Variants in FGF1 observed in about 807,000 individuals in gnomAD.
FGF1 encodes the protein fibroblast growth factor 1.
Under a neutral mutation model 13.4 loss-of-function variants are expected in FGF1, and 9 were observed. That is an observed-to-expected ratio of 0.67 (90% CI 0.40 to 1.17). The LOEUF (loss-of-function observed/expected upper bound fraction) is 1.17, where lower values mean the gene tolerates loss of function less well. FGF1 is among the 50% of genes most tolerant of loss of function. The probability of loss-of-function intolerance (pLI) is 0.01; values close to 1 mark genes in which losing one functional copy is unlikely to be tolerated. For synonymous variants in FGF1, 93 were observed against 79.0 expected, an observed-to-expected ratio of 1.18 and a Z score of -0.94; for missense variants, 156 against 192.7, an observed-to-expected ratio of 0.81 and a Z score of 1.13.
chr5:142,646,170 A>G (rs532074676), intron 1 of FGF1, among the ~76,000 whole-genome samples: 78 of 148,004 alleles, frequency 5.3e-4, no homozygotes, highest in African/African-American at 1.9e-3. Flanking sequence ...CGGCCTCCCA[A>G]AGTGCTGGGA....
chr5:142,669,611 C>T (rs17099192), intron 1 of FGF1, among the ~76,000 whole-genome samples: 12,144 of 151,872 alleles, frequency 0.08, 839 homozygotes, highest in African/African-American at 0.18. Context: ...AGAGAATGGA[C>T]GCAGCCAGGA....
At chr5:142,694,029 G>A (rs74401362) in intron 2 of FGF1, among the ~76,000 whole-genome samples, 42 of 144,340 alleles carry the variant, frequency 2.9e-4, no homozygotes, top group Admixed American at 4.1e-4. Context: ...GTCTAGCAGT[G>A]TTTTTTTTTT....
intron 1 of FGF1, among the ~76,000 whole-genome samples, chr5:142,670,591 A>G (rs1771265470): frequency 6.6e-6 from 1 of 151,918 alleles, no homozygotes; most frequent in Non-Finnish European, 1.5e-5. Flanking sequence ...TTATCTTTGA[A>G]TCTCCCATGG....
chr5:142,673,933 C>T (rs1362896128), intron 1 of FGF1, among the ~76,000 whole-genome samples: 1 of 152,192 alleles, frequency 6.6e-6, no homozygotes, highest in Non-Finnish European at 1.5e-5. Context: ...CTTTGCATGC[C>T]TCACCAGCCT....
At chr5:142,639,902 G>A (rs1373679008) in intron 1 of FGF1, among the ~76,000 whole-genome samples, 2 of 151,928 alleles carry the variant, frequency 1.3e-5, no homozygotes, top group Non-Finnish European at 1.5e-5. Context: ...GTTGTTGAGA[G>A]AAAGGATGGT....
upstream of FGF1, among the ~76,000 whole-genome samples, chr5:142,690,287 C>T (rs1265847874): frequency 2.0e-5 from 3 of 151,962 alleles, no homozygotes; most frequent in Non-Finnish European, 4.4e-5. Flanking sequence ...TGCAGTGAGC[C>T]GAGATCGCGC....
At chr5:142,687,925 T>C (rs938998378), upstream of FGF1, among the ~76,000 whole-genome samples, 1 of 152,262 alleles carries the variant, frequency 6.6e-6, no homozygotes, top group African/African-American at 2.4e-5. Flanking sequence ...TGGAAATTAA[T>C]GAGACTTTCC....
upstream of FGF1, among the ~76,000 whole-genome samples, chr5:142,687,568 C>T: frequency 6.6e-6 from 1 of 152,296 alleles, no homozygotes; most frequent in East Asian, 1.9e-4. Flanking sequence ...AATAATCTTC[C>T]TGAGTATCTG....
intron 2 of FGF1, among the ~76,000 whole-genome samples, chr5:142,694,669 G>A (rs891558555): frequency 1.3e-5 from 2 of 152,140 alleles, no homozygotes; most frequent in Non-Finnish European, 2.9e-5. Context: ...AAAGGGCAGG[G>A]CCATAATGTA....
At chr5:142,609,560 C>T (rs1055652304) in intron 2 of FGF1, among the ~76,000 whole-genome samples, 3 of 152,262 alleles carry the variant, frequency 2.0e-5, no homozygotes, top group African/African-American at 7.2e-5. Context: ...GCACATTATG[C>T]CTCTGTGTCA....
chr5:142,616,653 T>C (rs1231914423), intron 1 of FGF1, among the ~76,000 whole-genome samples: 2 of 152,130 alleles, frequency 1.3e-5, no homozygotes, highest in Non-Finnish European at 2.9e-5. Flanking sequence ...TCTGTCCCTC[T>C]GTCTCTTCCT....
At chr5:142,636,748 G>A (rs1365927624) in intron 1 of FGF1, among the ~76,000 whole-genome samples, 1 of 150,534 alleles carries the variant, frequency 6.6e-6, no homozygotes, top group Non-Finnish European at 1.5e-5. Context: ...GGAGGTTGCA[G>A]GTAAATGTGC....
intron 1 of FGF1, among the ~76,000 whole-genome samples, chr5:142,642,925 T>C (rs1170254550): frequency 2.6e-5 from 4 of 152,214 alleles, no homozygotes; most frequent in Non-Finnish European, 5.9e-5. Flanking sequence ...GCCTAGAGTA[T>C]GGAATAAATC....
At chr5:142,620,606 C>A (rs1235366604) in intron 1 of FGF1, among the ~76,000 whole-genome samples, 2 of 151,966 alleles carry the variant, frequency 1.3e-5, no homozygotes, top group African/African-American at 2.4e-5. Context: ...CAAAAATTGA[C>A]AAATATGTAA....
chr5:142,646,062 C>A (rs1268403727), intron 1 of FGF1, among the ~76,000 whole-genome samples: 1 of 152,122 alleles, frequency 6.6e-6, no homozygotes, highest in East Asian at 1.9e-4. Context: ...GCGCCTGCCA[C>A]CACACCCGGC....
At chr5:142,652,451 G>A (rs1484840653) in intron 1 of FGF1, among the ~76,000 whole-genome samples, 1 of 152,186 alleles carries the variant, frequency 6.6e-6, no homozygotes, top group Non-Finnish European at 1.5e-5. Context: ...GCTCTGAAGA[G>A]AGCGCTGATT....
chr5:142,619,023 C>T (rs887200942), intron 1 of FGF1, among the ~76,000 whole-genome samples: 11 of 150,370 alleles, frequency 7.3e-5, no homozygotes, highest in Non-Finnish European at 1.3e-4. Context: ...CAAGCTCCGC[C>T]TCCCAGGTTC....
intron 1 of FGF1, among the ~76,000 whole-genome samples, chr5:142,647,029 G>T (rs928369692): frequency 2.0e-5 from 3 of 152,158 alleles, no homozygotes; most frequent in African/African-American, 4.8e-5. Flanking sequence ...AGTTTCCAGG[G>T]CCCCAGTATA....
intron 1 of FGF1, among the ~76,000 whole-genome samples, chr5:142,631,440 T>A (rs1235215244): frequency 6.6e-6 from 1 of 152,154 alleles, no homozygotes; most frequent in Non-Finnish European, 1.5e-5. Context: ...GCAAAGAAAT[T>A]TTGTCTCTTC....
Sources: gnomAD v4.1 joint callset for allele counts (sites outside exome capture counted in the v4.1 genomes callset) on GRCh38, gnomAD v4.1.1 for gene constraint, MANE v1.5 for transcripts, NCBI Gene and HGNC (gene_info 2026-07-23, HGNC 2026-07-21) for gene names.